Variants in LPIN1 observed in about 807,000 individuals in gnomAD.
The protein encoded by LPIN1 is phosphatidate phosphatase LPIN1.
Under a neutral mutation model 107.5 loss-of-function variants are expected in LPIN1, and 71 were observed. The ratio of observed to expected loss-of-function variants is 0.66; its 90% CI spans 0.55 to 0.80. The LOEUF is 0.80. LPIN1 is among the 30% of genes least tolerant of loss of function. The pLI is 0.00. For synonymous variants in LPIN1, 445 were observed against 452.6 expected (o/e 0.98, Z 0.21); for missense variants, 1,043 against 1,160.6 (o/e 0.90, Z 1.47).
At chr2:11,761,927 A>G (rs1669897692) in intron 1 of LPIN1, among the ~76,000 whole-genome samples, 1 of 152,112 alleles carries the variant, frequency 6.6e-6, no homozygotes, top group Non-Finnish European at 1.5e-5. Context: ...CTCGGAGCAC[A>G]CCAACTGGGT....
At chr2:11,763,057 A>C (rs935152742) in intron 1 of LPIN1, 3 of 152,256 alleles carry the variant, frequency 2.0e-5, no homozygotes, top group Admixed American at 2.0e-4. Context: ...AGTCCGCCAA[A>C]CCATCAGGTG....
chr2:11,710,581 C>T (rs935538346), intron 1 of LPIN1, among the ~76,000 whole-genome samples: 6 of 152,186 alleles, frequency 3.9e-5, no homozygotes, highest in Non-Finnish European at 8.8e-5. Context: ...CCAGGAGTAG[C>T]CACTGACATC....
intron 1 of LPIN1, among the ~76,000 whole-genome samples, chr2:11,749,541 G>C (rs1292642301): frequency 1.3e-5 from 2 of 152,196 alleles, no homozygotes; most frequent in African/African-American, 4.8e-5. Flanking sequence ...GGTGGGGTCT[G>C]TGCAGCCAGG....
intron 18 of LPIN1, chr2:11,817,563 G>A (rs1412370912): frequency 6.6e-6 from 1 of 152,126 alleles, no homozygotes; most frequent in Non-Finnish European, 1.5e-5. Flanking sequence ...TATTTAGGTA[G>A]AATGAAGTAG....
Position 11,820,415 on chromosome 2 carries a change from T to C in LPIN1, c.2522T>C (p.Val841Ala). Residue 841 changes from valine (V) to alanine (A), a missense_variant, in exon 20 of 21, where the codon GTG becomes GCG. Val to Ala is a moderately conservative substitution (Grantham distance 64). Coordinates refer to ENST00000674199, the MANE Select transcript of LPIN1 (RefSeq NM_001349206.2). ...AATCACCTTTACCAAATATAGGATG[T>C]GTATTCATACAAGCAAGTAGGAGTG... ...YAAFGNRPAD[V>A]YSYKQVGVSL... 1 of 1,590,196 alleles carries C rather than the reference T, an allele frequency of 6.3e-7. No individual in the cohort carries two copies. Among genetic ancestry groups the C allele is most frequent in the Non-Finnish European group, 8.6e-7 (1 of 1,158,162 alleles).
In LPIN1 at chr2:11,815,219, G is replaced by C; in HGVS notation, c.2381G>C (p.Ser794Thr). 1 of 1,614,150 alleles carries C rather than the reference G, an allele frequency of 6.2e-7. No individual in the cohort carries two copies. The highest frequency in any genetic ancestry group is 1.1e-5 in the South Asian group (1 of 91,076). ...GGGCCCCTGCTGCTGAGTCCCAGCAGCCTCTTCTCTGCCCTGCACAGGTAC... is the reference window on the plus strand; with the variant it reads ...GGGCCCCTGCTGCTGAGTCCCAGCACCCTCTTCTCTGCCCTGCACAGGTAC... ...PQGPLLLSPS[S>T]LFSALHREVI... Residue 794 changes from serine to threonine, a missense_variant, in exon 18 of 21, where the codon AGC becomes ACC. Physicochemically the swap from Ser to Thr is moderately conservative, Grantham distance 58. Coordinates refer to ENST00000674199, the MANE Select transcript of LPIN1 (RefSeq NM_001349206.2).
chr2:11,734,379 A>T (rs188660676), intron 1 of LPIN1, among the ~76,000 whole-genome samples: 108 of 152,132 alleles, frequency 7.1e-4, no homozygotes, highest in Middle Eastern at 3.4e-3. Flanking sequence ...ACAGAGAGAA[A>T]CTCACCCTTT....
chr2:11,689,432 A>G (rs973452565), intron 1 of LPIN1, among the ~76,000 whole-genome samples: 1 of 152,164 alleles, frequency 6.6e-6, no homozygotes, highest in African/African-American at 2.4e-5. Flanking sequence ...TGATTTTGTT[A>G]TCCAACATAC....
intron 5 of LPIN1, among the ~76,000 whole-genome samples, chr2:11,775,640 G>T (rs766197053): frequency 5.9e-5 from 9 of 152,178 alleles, no homozygotes; most frequent in East Asian, 5.8e-4. Context: ...GACCAGAGAT[G>T]ATCAGTTCTA....
intron 14 of LPIN1, among the ~76,000 whole-genome samples, chr2:11,799,645 C>G (rs1677340334): frequency 1.3e-5 from 2 of 151,944 alleles, no homozygotes. Flanking sequence ...TACAGATGAG[C>G]CCACTGAGGC....
At position 11,773,674 on chromosome 2, in the gene LPIN1, C is replaced by G; in HGVS notation, c.651C>G (p.Leu217=). 6.2e-7 allele frequency: 1 copy of G among 1,612,922 alleles called. No individual in the cohort carries two copies. The highest frequency in any genetic ancestry group is 8.5e-7 in the Non-Finnish European group (1 of 1,178,974). Residue 217 remains leucine (L), a synonymous_variant, in exon 5 of 21, where the codon CTC becomes CTG. Transcript: ENST00000674199. ...AAGATGATATTCCTGAGGAAAACCT[C>G]TCCCTGGCTGTGATTTACCCTCAGT... ...PFQDDIPEEN[L]SLAVIYPQSA...
intron 1 of LPIN1, chr2:11,677,743 T>A: frequency 6.5e-7 from 1 of 1,532,406 alleles, no homozygotes; most frequent in South Asian, 1.2e-5. Flanking sequence ...GGGCCGGCCA[T>A]GTGGCCATCT....
intron 6 of LPIN1, 83 bp downstream of exon 6, chr2:11,776,276 T>A: frequency 2.5e-6 from 2 of 813,978 alleles, no homozygotes; most frequent in Non-Finnish European, 3.8e-6. Flanking sequence ...ATTTTACCAT[T>A]AACCAAATTA....
At chr2:11,759,488 C>G (rs1191757079) in intron 1 of LPIN1, among the ~76,000 whole-genome samples, 4 of 152,144 alleles carry the variant, frequency 2.6e-5, no homozygotes, top group African/African-American at 9.7e-5. Context: ...TCATGGAGCA[C>G]CGGGTTGGGG....
chr2:11,782,210 C>G lies in LPIN1; in HGVS notation c.967C>G (p.Pro323Ala), dbSNP rs150085274. ...ELPQAAKSSSPHKMKESSPLS... is the reference protein window; with the variant it reads ...ELPQAAKSSSAHKMKESSPLS... ...CTCCTCTTTGCTCTAGTCTTCTTCT[C>G]CACACAAGATGAAAGAGTCCAGCCC... The change falls in exon 8 of 21, where the codon CCA becomes GCA. Residue 323 changes from proline to alanine, a missense_variant. By Grantham distance (27) the Pro-to-Ala change is conservative (BLOSUM62 -1). Transcript: ENST00000674199. The G allele has an allele frequency of 4.0e-5, 65 of 1,613,542 alleles. No homozygotes were observed. The African/African-American group carries it at 7.6e-4, about 19-fold the overall frequency.
Position 11,773,444 on chromosome 2 carries a change from G to A in LPIN1, c.597-176G>A, listed in dbSNP as rs544772372. On this transcript the variant is annotated intron_variant, in intron 4 of 20. Coordinates refer to ENST00000674199, the MANE Select transcript of LPIN1 (RefSeq NM_001349206.2). ...GGCCAAAGCATTAGCACATAGACAC[G>A]TTTATGGATGCCGGTATCTCACTTT... Among the ~76,000 whole-genome samples, 4 of 152,308 alleles carry A rather than the reference G, an allele frequency of 2.6e-5. No homozygotes were observed. In the South Asian group the frequency reaches 6.2e-4, roughly 24 times the overall value.
At chr2:11,724,071 A>G (rs1664359637), upstream of LPIN1, 1 of 152,228 alleles carries the variant, frequency 6.6e-6, no homozygotes, top group Admixed American at 6.5e-5. Context: ...GCTTGCTATG[A>G]ATTCAGAAAT....
At chr2:11,685,337 T>C (rs77841878) in intron 1 of LPIN1, among the ~76,000 whole-genome samples, 2,213 of 152,184 alleles carry the variant, frequency 0.015, 55 homozygotes, top group African/African-American at 0.05. Flanking sequence ...ATGGAGGCAT[T>C]GGCCTCGACC....
intron 9 of LPIN1, chr2:11,784,573 C>A: frequency 2.0e-6 from 1 of 510,378 alleles, no homozygotes; most frequent in Non-Finnish European, 3.3e-6. Context: ...ACCCTCAGTC[C>A]CCCTGCGATC....
Sources: gnomAD v4.1 joint callset for allele counts (sites outside exome capture counted in the v4.1 genomes callset) on GRCh38, gnomAD v4.1.1 for gene constraint, MANE v1.5 for transcripts, NCBI Gene and HGNC (gene_info 2026-07-23, HGNC 2026-07-21) for gene names.